Variants in RBFOX1 observed in about 807,000 individuals in gnomAD.
RBFOX1 encodes RNA binding fox-1 homolog 1.
Under a neutral mutation model 57.7 loss-of-function variants are expected in RBFOX1, and 8 were observed. The observed-to-expected ratio is 0.14, with a 90% CI of 0.08 to 0.25. RBFOX1 has a LOEUF of 0.25. Ranked by LOEUF, RBFOX1 falls within the 10% of genes least tolerant of loss-of-function variation. The pLI, the probability that RBFOX1 is intolerant of heterozygous loss-of-function variation, is 1.00. For missense variants in RBFOX1, 611 were observed against 548.5 expected (o/e 1.11, Z -1.14); for synonymous variants, 326 against 222.4 (o/e 1.47, Z -4.15).
intron 4 of RBFOX1, among the ~76,000 whole-genome samples, chr16:7,215,560 T>C (rs2091897265): frequency 6.6e-6 from 1 of 152,164 alleles, no homozygotes; most frequent in Non-Finnish European, 1.5e-5. Context: ...TTCAATGTTT[T>C]GTAAGTACAT....
At chr16:7,115,212 T>C (rs1044979286) in intron 4 of RBFOX1, among the ~76,000 whole-genome samples, 2 of 152,168 alleles carry the variant, frequency 1.3e-5, no homozygotes, top group Non-Finnish European at 1.5e-5. Flanking sequence ...TGAAAATGGA[T>C]GTAAGTAAGG....
chr16:6,653,887 T>C (rs140758890), intron 2 of RBFOX1, among the ~76,000 whole-genome samples: 2 of 150,852 alleles, frequency 1.3e-5, no homozygotes, highest in Non-Finnish European at 3.0e-5. Context: ...GATGGATGAA[T>C]GGATAAAAAG....
intron 6 of RBFOX1, among the ~76,000 whole-genome samples, chr16:7,582,010 A>G (rs1203642697): frequency 1.4e-5 from 2 of 142,296 alleles, no homozygotes; most frequent in African/African-American, 2.7e-5. Context: ...GATGTGAGCT[A>G]TTGCACCCAT....
chr16:6,634,806 AT>A (rs2098418850), intron 2 of RBFOX1, among the ~76,000 whole-genome samples: 1 of 138,352 alleles, frequency 7.2e-6, no homozygotes, highest in African/African-American at 2.7e-5. Flanking sequence ...ATATATTTGT[AT>A]TATATATAAT....
intron 4 of RBFOX1, among the ~76,000 whole-genome samples, chr16:7,087,281 A>G (rs577476384): frequency 3.3e-5 from 5 of 152,174 alleles, no homozygotes; most frequent in Non-Finnish European, 7.3e-5. Context: ...GGCTTGCCTC[A>G]AGAGGATCGG....
At chr16:6,877,127 C>G (rs532849334) in intron 3 of RBFOX1, among the ~76,000 whole-genome samples, 1 of 152,114 alleles carries the variant, frequency 6.6e-6, no homozygotes, top group South Asian at 2.1e-4. Context: ...AGAAATAACA[C>G]CAAACAACAG....
intron 3 of RBFOX1, among the ~76,000 whole-genome samples, chr16:5,834,634 G>A (rs2056393372): frequency 6.8e-6 from 1 of 147,840 alleles, no homozygotes; most frequent in South Asian, 2.2e-4. Flanking sequence ...TGACTGATTT[G>A]TTTTCTGTTG....
At position 7,022,348 on chromosome 16, in the gene RBFOX1, A is replaced by G. The variant is rs146166085; in HGVS notation, c.-15-29709A>G. Among the ~76,000 whole-genome samples the G allele has an allele frequency of 1.1e-3, 172 of 151,750 alleles. 1 individual carries two copies. The highest frequency in any genetic ancestry group is 4.0e-3 in the African/African-American group (165 of 41,412). On this transcript the variant is annotated intron_variant, in intron 3 of 15. Transcript: ENST00000550418. Reference sequence around the variant, plus strand: ...GATTGCAGGCATGAACCACCACTGCACCTGGCCGTGAACCCCATATTCTTA... The same window carrying G: ...GATTGCAGGCATGAACCACCACTGCGCCTGGCCGTGAACCCCATATTCTTA...
At chr16:7,420,734 A>T (rs1040278768) in intron 4 of RBFOX1, among the ~76,000 whole-genome samples, 1 of 151,554 alleles carries the variant, frequency 6.6e-6, no homozygotes, top group Non-Finnish European at 1.5e-5. Context: ...TATGACTTCA[A>T]TTACATCTAG....
At chr16:6,538,656 C>T (rs1356824497) in intron 2 of RBFOX1, among the ~76,000 whole-genome samples, 1 of 152,122 alleles carries the variant, frequency 6.6e-6, no homozygotes, top group Admixed American at 6.5e-5. Context: ...TGCAGAATGG[C>T]ACACCTGCTG....
chr16:6,322,150 G>C (rs1038562595), intron 2 of RBFOX1, among the ~76,000 whole-genome samples: 1 of 152,068 alleles, frequency 6.6e-6, no homozygotes, highest in East Asian at 1.9e-4. Context: ...CCCTCTGTTG[G>C]CATATTGCTC....
intron 3 of RBFOX1, among the ~76,000 whole-genome samples, chr16:5,635,220 G>C (rs1453196595): frequency 6.6e-6 from 1 of 152,202 alleles, no homozygotes; most frequent in Non-Finnish European, 1.5e-5. Flanking sequence ...TCAGCCATCT[G>C]ACAAAAGTCT....
chr16:6,663,270 C>T (rs545893763), intron 3 of RBFOX1, among the ~76,000 whole-genome samples: 12 of 152,132 alleles, frequency 7.9e-5, no homozygotes, highest in African/African-American at 1.7e-4. Context: ...TTGTCACAGA[C>T]GGCTCAGCTT....
At chr16:7,641,153 G>C (rs998435224) in intron 11 of RBFOX1, among the ~76,000 whole-genome samples, 1 of 152,134 alleles carries the variant, frequency 6.6e-6, no homozygotes, top group Non-Finnish European at 1.5e-5. Flanking sequence ...TCAAGAGCTG[G>C]AGCAATCATT....
intron 4 of RBFOX1, among the ~76,000 whole-genome samples, chr16:7,328,387 G>C (rs1043084859): frequency 6.8e-6 from 1 of 146,862 alleles, no homozygotes; most frequent in African/African-American, 2.6e-5. Context: ...GGCTGAAGCA[G>C]AAGACTAGCT....
chr16:6,160,554 C>A (rs1399755677), intron 1 of RBFOX1, among the ~76,000 whole-genome samples: 2 of 152,168 alleles, frequency 1.3e-5, no homozygotes, highest in Non-Finnish European at 2.9e-5. Context: ...ATACACAGAT[C>A]CTGCATCTAG....
In RBFOX1 at chr16:7,012,863, A is replaced by G. The variant is rs1233439487; in HGVS notation, c.-15-39194A>G. ...AGACTGGGTGGCTTGAACAAGAGCT[A>G]TTTATTTTCCCATAGCTGGGGAGGC... On this transcript the variant is annotated intron_variant, in intron 3 of 15. Coordinates refer to ENST00000550418, the MANE Select transcript of RBFOX1 (RefSeq NM_018723.4). Among the ~76,000 whole-genome samples the G allele has an allele frequency of 3.3e-5, 5 of 152,062 alleles. No homozygotes were observed. The East Asian group carries it at 5.8e-4, about 18-fold the overall frequency.
rs150193113 is a variant in RBFOX1, at chr16:6,925,439, C to T, written c.-15-126618C>T. Among the ~76,000 whole-genome samples the T allele has an allele frequency of 3.7e-3, 549 of 146,508 alleles. 3 individuals carry two copies. Among genetic ancestry groups the T allele is most frequent in the African/African-American group, 0.013 (518 of 39,566 alleles). ...TGCACCCAGCCTATCCTTTTTAATG[C>T]GACTAATGGACTCCACATTTATTTA... On this transcript the variant is annotated intron_variant, in intron 3 of 15. Coordinates refer to ENST00000550418, the MANE Select transcript of RBFOX1 (RefSeq NM_018723.4).
At chr16:7,291,355 G>T (rs1158153161) in intron 4 of RBFOX1, among the ~76,000 whole-genome samples, 4 of 152,118 alleles carry the variant, frequency 2.6e-5, no homozygotes, top group Non-Finnish European at 5.9e-5. Context: ...GAGAGCAAAG[G>T]AACTTACCTA....
Sources: gnomAD v4.1 joint callset for allele counts (sites outside exome capture counted in the v4.1 genomes callset) on GRCh38, gnomAD v4.1.1 for gene constraint, MANE v1.5 for transcripts, NCBI Gene and HGNC (gene_info 2026-07-23, HGNC 2026-07-21) for gene names.